The following CSMD1 variants were observed in gnomAD, a reference collection of about 807,000 sequenced individuals.
The protein encoded by CSMD1 is CUB and sushi domain-containing protein 1.
Under a neutral mutation model 417.5 loss-of-function variants are expected in CSMD1, and 213 were observed. The ratio of observed to expected loss-of-function variants is 0.51; its 90% CI spans 0.46 to 0.57. The LOEUF is 0.57. Among genes scored for constraint, CSMD1 ranks in the 20% least tolerant of loss-of-function variants. CSMD1 has a pLI of 0.00. For missense variants in CSMD1, 6,923 were observed against 4,529.7 expected (o/e 1.53, Z -15.17); for synonymous variants, 2,862 against 1,736.8 (o/e 1.65, Z -16.11).
At chr8:4,369,959 T>C (rs1468969523) in intron 3 of CSMD1, among the ~76,000 whole-genome samples, 1 of 152,182 alleles carries the variant, frequency 6.6e-6, no homozygotes, top group Admixed American at 6.5e-5. Flanking sequence ...TCTGGGTCAA[T>C]ACTGACACGT....
intron 23 of CSMD1, among the ~76,000 whole-genome samples, chr8:3,334,064 G>C (rs1330582316): frequency 1.3e-5 from 2 of 152,160 alleles, no homozygotes; most frequent in African/African-American, 4.8e-5. Context: ...AGCCAGGGAG[G>C]TGAAGGCATT....
chr8:4,772,373 T>C (rs1249583196), intron 1 of CSMD1, among the ~76,000 whole-genome samples: 1 of 152,180 alleles, frequency 6.6e-6, no homozygotes, highest in East Asian at 1.9e-4. Flanking sequence ...TTCTCGGCCT[T>C]TGAGGACTTG....
chr8:3,449,622 A>G (rs1200324986), intron 12 of CSMD1, among the ~76,000 whole-genome samples: 1 of 152,070 alleles, frequency 6.6e-6, no homozygotes, highest in East Asian at 1.9e-4. Flanking sequence ...GGTTCAAGCA[A>G]TACTCCTGCC....
chr8:3,715,755 C>G (rs1284970406), intron 6 of CSMD1, among the ~76,000 whole-genome samples: 1 of 152,134 alleles, frequency 6.6e-6, no homozygotes, highest in African/African-American at 2.4e-5. Context: ...GTTGGCCAAA[C>G]TGGTCTCAAA....
chr8:4,429,585 G>C (rs904456123), intron 2 of CSMD1, among the ~76,000 whole-genome samples: 1 of 152,100 alleles, frequency 6.6e-6, no homozygotes, highest in Non-Finnish European at 1.5e-5. Flanking sequence ...TACTGATTTA[G>C]GAGGCAAAGA....
At chr8:4,382,800 C>G (rs996963426) in intron 3 of CSMD1, among the ~76,000 whole-genome samples, 2 of 152,182 alleles carry the variant, frequency 1.3e-5, no homozygotes, top group Admixed American at 1.3e-4. Flanking sequence ...CCCTCAGTGT[C>G]AGATGCATTA....
chr8:4,341,350 G>A lies in CSMD1; in HGVS notation c.415+78603C>T, dbSNP rs184769356. ...GTAAAAGTTTTTCACATTGAATTCT[G>A]AGATTCATATTCACTATCGCAGGAA... is the stretch of plus-strand genomic sequence containing the variant. On this transcript the variant is annotated intron_variant, in intron 3 of 69. Coordinates refer to ENST00000635120, the MANE Select transcript of CSMD1 (RefSeq NM_033225.6). Among the ~76,000 whole-genome samples, 353 of 152,188 alleles carry A rather than the reference G, an allele frequency of 2.3e-3. 9 individuals carry two copies. The highest frequency in any genetic ancestry group is 0.021 in the Admixed American group (325 of 15,262).
chr8:3,280,735 A>G (rs1210038693), intron 26 of CSMD1, among the ~76,000 whole-genome samples: 1 of 151,866 alleles, frequency 6.6e-6, no homozygotes, highest in East Asian at 1.9e-4. Flanking sequence ...AGTAATTGTC[A>G]TTTCTGTAGA....
At chr8:4,717,536 G>C (rs1808753599) in intron 1 of CSMD1, among the ~76,000 whole-genome samples, 1 of 145,610 alleles carries the variant, frequency 6.9e-6, no homozygotes, top group Non-Finnish European at 1.5e-5. Context: ...CTATCAATCT[G>C]TCTGTCTGTC....
At chr8:3,179,139 G>A (rs1023624830) in intron 37 of CSMD1, among the ~76,000 whole-genome samples, 17 of 151,166 alleles carry the variant, frequency 1.1e-4, no homozygotes, top group Admixed American at 3.9e-4. Flanking sequence ...TAGATACGGG[G>A]TTTCAACGTG....
At chr8:3,994,679 G>T (rs573704940) in intron 5 of CSMD1, among the ~76,000 whole-genome samples, 1 of 151,654 alleles carries the variant, frequency 6.6e-6, no homozygotes. Flanking sequence ...CTTAAATTAC[G>T]AACCCAACGT....
At chr8:4,153,823 C>T (rs1012407863) in intron 3 of CSMD1, among the ~76,000 whole-genome samples, 5 of 152,192 alleles carry the variant, frequency 3.3e-5, no homozygotes, top group South Asian at 2.1e-4. Context: ...CAAAAAATGA[C>T]GGAACGTCAC....
At chr8:3,898,481 T>C (rs1205910125) in intron 5 of CSMD1, among the ~76,000 whole-genome samples, 5 of 152,246 alleles carry the variant, frequency 3.3e-5, no homozygotes, top group African/African-American at 1.2e-4. Context: ...CGCATCATAA[T>C]TGTACAAAAC....
chr8:3,980,638 C>T (rs554158338), intron 5 of CSMD1, among the ~76,000 whole-genome samples: 24 of 152,244 alleles, frequency 1.6e-4, no homozygotes, highest in Non-Finnish European at 2.8e-4. Context: ...TTGCTTATGG[C>T]TTTTCTGTAT....
intron 12 of CSMD1, among the ~76,000 whole-genome samples, chr8:3,439,945 A>C (rs761830947): frequency 1.3e-5 from 2 of 152,138 alleles, no homozygotes; most frequent in Non-Finnish European, 2.9e-5. Flanking sequence ...TGGCCCCTTT[A>C]CCAAAAACCA....
Position 3,134,410 on chromosome 8 carries a change from C to T in CSMD1, c.6241+8055G>A, listed in dbSNP as rs147419829. Among the ~76,000 whole-genome samples, 586 of 152,260 alleles carry T rather than the reference C, an allele frequency of 3.8e-3. 5 individuals carry two copies. Among genetic ancestry groups the T allele is most frequent in the African/African-American group, 0.014 (565 of 41,534 alleles). On this transcript the variant is annotated intron_variant, in intron 41 of 69. Transcript: ENST00000635120. Reference sequence around the variant, plus strand: ...AACCACGAAGGCATGCGCTGCAAGTCCTTGTGGAGAACGTTTGACTCTCAG... The same window carrying T: ...AACCACGAAGGCATGCGCTGCAAGTTCTTGTGGAGAACGTTTGACTCTCAG...
At chr8:4,320,709 A>G (rs112278618) in intron 3 of CSMD1, among the ~76,000 whole-genome samples, 133 of 152,296 alleles carry the variant, frequency 8.7e-4, no homozygotes, top group Non-Finnish European at 1.5e-3. Flanking sequence ...ATGGCTGCAT[A>G]GTATTCCATG....
At chr8:3,359,437 A>C (rs1168759156) in intron 20 of CSMD1, 97 bp from the exon 21 acceptor site, 8 of 936,626 alleles carry the variant, frequency 8.5e-6, no homozygotes, top group South Asian at 1.9e-5. Flanking sequence ...AAAAAAAAAA[A>C]AAAAAACCTA....
intron 5 of CSMD1, among the ~76,000 whole-genome samples, chr8:3,953,652 G>A (rs1563248695): frequency 1.3e-5 from 2 of 152,102 alleles, no homozygotes; most frequent in East Asian, 1.9e-4. Flanking sequence ...ACCTAAGAAC[G>A]CTGGGACTGG....
Sources: gnomAD v4.1 joint callset for allele counts (sites outside exome capture counted in the v4.1 genomes callset) on GRCh38, gnomAD v4.1.1 for gene constraint, MANE v1.5 for transcripts, NCBI Gene and HGNC (gene_info 2026-07-23, HGNC 2026-07-21) for gene names.